NXPE3: variants seen among roughly 807,000 people sequenced by gnomAD.
NXPE3 encodes neurexophilin and PC-esterase domain family member 3, also known as NXPE family member 3.
NXPE3 carries 26 observed loss-of-function variants against 46.1 expected under a neutral mutation model. That is an observed-to-expected ratio of 0.56 (90% CI 0.41 to 0.78). NXPE3 has a LOEUF of 0.78. NXPE3 is among the 30% of genes least tolerant of loss of function. NXPE3 has a pLI of 0.00. For missense variants in NXPE3, 620 were observed against 686.0 expected, an observed-to-expected ratio of 0.90 and a Z score of 1.07; for synonymous variants, 272 against 257.9, an observed-to-expected ratio of 1.05 and a Z score of -0.52.
chr3:101,782,327 G>T (rs1939871128), intron 2 of NXPE3, 37 bp downstream of exon 2: 1 of 151,978 alleles, frequency 6.6e-6, no homozygotes, highest in Admixed American at 6.6e-5. Context: ...TATTTTTTTG[G>T]TTAATCTGAG....
At chr3:101,815,997 A>G (rs1421688694) in intron 6 of NXPE3, among the ~76,000 whole-genome samples, 8 of 145,488 alleles carry the variant, frequency 5.5e-5, no homozygotes, top group Non-Finnish European at 7.6e-5. Context: ...TCTGTCTCGG[A>G]AAAAAAAAAA....
At chr3:101,784,531 T>A (rs143255154) in intron 3 of NXPE3, among the ~76,000 whole-genome samples, 449 of 152,280 alleles carry the variant, frequency 2.9e-3, no homozygotes, top group Middle Eastern at 0.02. Flanking sequence ...TATTCTGAGA[T>A]ACTCTGCACC....
chr3:101,801,822 G>A lies in NXPE3; in HGVS notation c.681G>A (p.Val227=). 6.2e-7 allele frequency: 1 copy of A among 1,614,158 alleles called. No homozygotes were observed. Reference sequence around the variant, plus strand: ...TTTCTGAAACTACTGAGTGCAACGTGTGTCTTCCTGGGAATCTGCCCCTGT... The same window carrying A: ...TTTCTGAAACTACTGAGTGCAACGTATGTCTTCCTGGGAATCTGCCCCTGT... ...GRISETTECN[V]CLPGNLPLCN... The change falls in exon 5 of 8, where the codon GTG becomes GTA. Residue 227 remains valine, a synonymous_variant. Coordinates refer to ENST00000273347, the MANE Select transcript of NXPE3 (RefSeq NM_145037.4).
chr3:101,797,253 A>G (rs1363772705), intron 4 of NXPE3, among the ~76,000 whole-genome samples: 1 of 152,110 alleles, frequency 6.6e-6, no homozygotes, highest in Non-Finnish European at 1.5e-5. Flanking sequence ...ACATACTTAT[A>G]TCTTGATTTG....
At chr3:101,780,593 A>G (rs980839357) in intron 1 of NXPE3, among the ~76,000 whole-genome samples, 1 of 152,184 alleles carries the variant, frequency 6.6e-6, no homozygotes, top group African/African-American at 2.4e-5. Context: ...TCTTGGGCCT[A>G]TTCCTACAGA....
intron 6 of NXPE3, among the ~76,000 whole-genome samples, chr3:101,814,125 C>A (rs1201155110): frequency 6.6e-6 from 1 of 152,196 alleles, no homozygotes; most frequent in Admixed American, 6.5e-5. Context: ...CACAGAATAA[C>A]CGAGTCTACC....
Position 101,785,668 on chromosome 3 carries a change from C to T in NXPE3, c.72C>T (p.Val24=). The T allele has an allele frequency of 6.2e-7, 1 of 1,613,362 alleles. No individual in the cohort carries two copies. Among genetic ancestry groups the T allele is most frequent in the South Asian group, 1.1e-5 (1 of 91,018 alleles). The part of the protein sequence containing the change: ...LLAVLMVVVL[V]INVTQVEYLD... The stretch of plus-strand genomic sequence containing the variant: ...CAGTGTTGATGGTGGTGGTGCTGGT[C>T]ATCAATGTTACTCAGGTAGAGGTGA... The change falls in exon 4 of 8, where the codon GTC becomes GTT. Residue 24 remains valine, a synonymous_variant. Transcript: ENST00000273347.
intron 5 of NXPE3, among the ~76,000 whole-genome samples, chr3:101,806,771 T>G (rs1941437472): frequency 6.6e-6 from 1 of 152,224 alleles, no homozygotes; most frequent in African/African-American, 2.4e-5. Context: ...GGGGAGTACA[T>G]AATTCAAACC....
intron 5 of NXPE3, among the ~76,000 whole-genome samples, chr3:101,803,116 C>A (rs941303290): frequency 3.9e-5 from 6 of 152,034 alleles, no homozygotes; most frequent in African/African-American, 1.5e-4. Context: ...TTTAAACATT[C>A]CTTGGTAGAG....
chr3:101,792,822 G>A (rs986956645), intron 4 of NXPE3, among the ~76,000 whole-genome samples: 2 of 152,122 alleles, frequency 1.3e-5, no homozygotes, highest in African/African-American at 4.8e-5. Context: ...TAGTTTGCTA[G>A]GAATAGCATT....
At chr3:101,781,855 C>A (rs1427093475) in intron 1 of NXPE3, 1 of 152,060 alleles carries the variant, frequency 6.6e-6, no homozygotes, top group East Asian at 1.9e-4. Flanking sequence ...TCACTTATAT[C>A]GCTGTTTATA....
intron 4 of NXPE3, among the ~76,000 whole-genome samples, chr3:101,790,296 G>A (rs1940430997): frequency 6.6e-6 from 1 of 152,112 alleles, no homozygotes; most frequent in African/African-American, 2.4e-5. Flanking sequence ...CTGTCTACAT[G>A]CTCTATCAGT....
intron 6 of NXPE3, among the ~76,000 whole-genome samples, chr3:101,815,695 C>G (rs1040164822): frequency 6.6e-6 from 1 of 151,828 alleles, no homozygotes; most frequent in African/African-American, 2.4e-5. Flanking sequence ...GAAACCCCAT[C>G]TGTACTAAAA....
intron 6 of NXPE3, among the ~76,000 whole-genome samples, chr3:101,807,667 T>C (rs1941484276): frequency 6.6e-6 from 1 of 152,026 alleles, no homozygotes; most frequent in Non-Finnish European, 1.5e-5. Context: ...GCCAGCCCTC[T>C]TCTGTTTGGC....
chr3:101,808,818 G>GATATATATATATAT (rs58006464), intron 6 of NXPE3, among the ~76,000 whole-genome samples: 339 of 30,760 alleles, frequency 0.011, 20 homozygotes, highest in Admixed American at 0.013. Flanking sequence ...AATTTTAGAG[G>GATATATATATATAT]ATATATATAT....
chr3:101,805,917 G>A (rs595230), intron 5 of NXPE3, among the ~76,000 whole-genome samples: 33,350 of 151,788 alleles, frequency 0.22, 4,127 homozygotes, highest in East Asian at 0.48. Context: ...CTATAGACAA[G>A]TAAATTGTAT....
chr3:101,793,627 C>CTTTTTTTTTTTTTTTTTTTTTTATTTTT (rs1940643880), intron 4 of NXPE3, among the ~76,000 whole-genome samples: 1 of 19,392 alleles, frequency 5.2e-5, no homozygotes, highest in Admixed American at 8.9e-4. Context: ...TTGACAAGGT[C>CTTTTTTTTTTTTTTTTTTTTTTATTTTT]TTTTTTTTTT....
At chr3:101,809,564 C>G (rs571654675) in intron 6 of NXPE3, among the ~76,000 whole-genome samples, 2 of 152,242 alleles carry the variant, frequency 1.3e-5, no homozygotes, top group South Asian at 4.1e-4. Flanking sequence ...CTTTTAATGT[C>G]TCTCATTCTT....
intron 3 of NXPE3, among the ~76,000 whole-genome samples, chr3:101,785,153 C>T (rs1940079115): frequency 6.6e-6 from 1 of 152,140 alleles, no homozygotes; most frequent in Admixed American, 6.5e-5. Context: ...TCCTTACTTT[C>T]TTAAAAGTTA....
Sources: gnomAD v4.1 joint callset for allele counts (sites outside exome capture counted in the v4.1 genomes callset) on GRCh38, gnomAD v4.1.1 for gene constraint, MANE v1.5 for transcripts, NCBI Gene and HGNC (gene_info 2026-07-23, HGNC 2026-07-21) for gene names.